The following DACH2 variants were observed in gnomAD, a reference collection of about 807,000 sequenced individuals.
DACH2 encodes dachshund homolog 2.
A neutral mutation model predicts 35.8 loss-of-function variants in DACH2; 17 were observed. That is an observed-to-expected ratio of 0.48 (90% CI 0.33 to 0.71). The LOEUF is 0.71. DACH2 is among the 30% of genes least tolerant of loss of function. The pLI is 0.02. For synonymous variants in DACH2, 195 were observed against 177.3 expected (o/e 1.10, Z -0.79); for missense variants, 469 against 472.7 (o/e 0.99, Z 0.07).
At position 86,755,185 on chromosome X, in the gene DACH2, T is replaced by C. The variant is rs375916043; in HGVS notation, c.1240+15303T>C. ...CCTACTTTGTGATGTTGAACATTTT[T>C]TTCATATATCTGTGGGCTATTTTTA... On this transcript the variant is annotated intron_variant, in intron 7 of 11. Transcript: ENST00000373125. Among the ~76,000 whole-genome samples the C allele has an allele frequency of 3.6e-5, 4 of 112,077 alleles. No individual in the cohort carries two copies. The East Asian group carries it at 1.1e-3, about 32-fold the overall frequency.
At chrX:86,453,923 T>G (rs1391825105) in intron 2 of DACH2, among the ~76,000 whole-genome samples, 1 of 112,036 alleles carries the variant, frequency 8.9e-6, no homozygotes, top group Non-Finnish European at 1.9e-5. Flanking sequence ...TAATGGTTTT[T>G]CTTTCCCATA....
chrX:86,318,935 T>G, intron 1 of DACH2, among the ~76,000 whole-genome samples: 1 of 112,536 alleles, frequency 8.9e-6, no homozygotes, highest in African/African-American at 3.2e-5. Context: ...GCTTTTTCTA[T>G]TACACGAAAA....
At chrX:86,669,512 A>C (rs2040739191) in intron 4 of DACH2, among the ~76,000 whole-genome samples, 1 of 111,473 alleles carries the variant, frequency 9.0e-6, no homozygotes, top group South Asian at 3.8e-4. Context: ...ATTATCATGA[A>C]AATTCTATAA....
chrX:86,605,416 CA>C (rs1456558254), intron 3 of DACH2, among the ~76,000 whole-genome samples: 1 of 110,880 alleles, frequency 9.0e-6, no homozygotes, highest in Admixed American at 9.6e-5. Flanking sequence ...TGAGTTGGCA[CA>C]TTTTTTTTTC....
At chrX:86,499,471 A>G (rs2038220235) in intron 2 of DACH2, among the ~76,000 whole-genome samples, 1 of 111,729 alleles carries the variant, frequency 9.0e-6, no homozygotes, top group African/African-American at 3.3e-5. Context: ...AGAGGAGGTC[A>G]TTTAGCCTAA....
chrX:86,376,545 A>G (rs1286193161), intron 1 of DACH2, among the ~76,000 whole-genome samples: 1 of 110,520 alleles, frequency 9.0e-6, no homozygotes. Flanking sequence ...CCTAAACCAC[A>G]TGACATTTCA....
At chrX:86,515,290 T>G (rs1162562143) in intron 3 of DACH2, among the ~76,000 whole-genome samples, 1 of 110,652 alleles carries the variant, frequency 9.0e-6, no homozygotes, top group Non-Finnish European at 1.9e-5. Context: ...TGCTATAATA[T>G]CATGTAAATG....
chrX:86,420,910 C>T (rs1166508094), intron 2 of DACH2, among the ~76,000 whole-genome samples: 6 of 110,709 alleles, frequency 5.4e-5, no homozygotes, highest in Non-Finnish European at 1.9e-5. Context: ...GTAGATTGTA[C>T]CCTTAAATGG....
chrX:86,166,769 A>G (rs1345694784), intron 1 of DACH2, among the ~76,000 whole-genome samples: 2 of 111,403 alleles, frequency 1.8e-5, no homozygotes, highest in African/African-American at 6.5e-5. Flanking sequence ...GCTTTTTACC[A>G]TGAAGGGATG....
At chrX:86,396,483 T>C (rs1460743111) in intron 2 of DACH2, among the ~76,000 whole-genome samples, 1 of 98,426 alleles carries the variant, frequency 1.0e-5, no homozygotes, top group Admixed American at 1.1e-4. Context: ...TCCTGAATGG[T>C]AATGCCTAGG....
intron 2 of DACH2, among the ~76,000 whole-genome samples, chrX:86,474,245 C>T (rs1324777798): frequency 1.8e-5 from 2 of 111,634 alleles, no homozygotes; most frequent in African/African-American, 6.5e-5. Flanking sequence ...GTTTGAGCTC[C>T]TTATATATTC....
At chrX:86,226,229 CTATTTA>C (rs1425591549) in intron 1 of DACH2, among the ~76,000 whole-genome samples, 2 of 111,577 alleles carry the variant, frequency 1.8e-5, no homozygotes, top group African/African-American at 6.5e-5. Context: ...AAATGATAGG[CTATTTA>C]TAATTCAGTT....
chrX:86,734,478 T>C (rs1451827051), intron 6 of DACH2, among the ~76,000 whole-genome samples: 1 of 111,227 alleles, frequency 9.0e-6, no homozygotes, highest in Non-Finnish European at 1.9e-5. Flanking sequence ...ATGAAACACA[T>C]ATATTGTGAT....
intron 4 of DACH2, among the ~76,000 whole-genome samples, chrX:86,679,135 A>G (rs2148430875): frequency 8.9e-6 from 1 of 111,936 alleles, no homozygotes; most frequent in African/African-American, 3.2e-5. Flanking sequence ...TACTTACTTT[A>G]TAAAATATGT....
intron 11 of DACH2, chrX:86,828,992 C>T (rs917183122): frequency 8.9e-6 from 1 of 112,197 alleles, no homozygotes; most frequent in African/African-American, 3.2e-5. Context: ...AAAAAGCCAA[C>T]TGAGTTTTTA....
At chrX:86,522,403 G>T (rs2038568910) in intron 3 of DACH2, among the ~76,000 whole-genome samples, 1 of 110,878 alleles carries the variant, frequency 9.0e-6, no homozygotes, top group South Asian at 3.8e-4. Context: ...AGTCCCTTAG[G>T]ATCTATTCTT....
intron 3 of DACH2, among the ~76,000 whole-genome samples, chrX:86,584,442 T>C (rs1318441104): frequency 9.0e-6 from 1 of 111,312 alleles, no homozygotes; most frequent in Non-Finnish European, 1.9e-5. Flanking sequence ...ATTTTCTCTG[T>C]TGTTTTTATA....
intron 1 of DACH2, among the ~76,000 whole-genome samples, chrX:86,306,527 A>G (rs2034691951): frequency 8.9e-6 from 1 of 111,950 alleles, no homozygotes; most frequent in Non-Finnish European, 1.9e-5. Context: ...TGGGGAAGGC[A>G]AATCCAGCCT....
chrX:86,298,100 T>C (rs777034394), intron 1 of DACH2, among the ~76,000 whole-genome samples: 8 of 111,977 alleles, frequency 7.1e-5, no homozygotes, highest in Non-Finnish European at 1.5e-4. Context: ...GAGGATATAA[T>C]GTGGTTCCTG....
Sources: allele counts gnomAD v4.1 joint callset (sites outside exome capture counted in the v4.1 genomes callset), GRCh38; gene constraint gnomAD v4.1.1; transcripts MANE v1.5; gene names NCBI Gene and HGNC (gene_info 2026-07-23, HGNC 2026-07-21).